SYCP2L: variants seen among roughly 807,000 people sequenced by gnomAD.
SYCP2L encodes synaptonemal complex protein 2-like.
SYCP2L carries 98 observed loss-of-function variants against 125.8 expected under a neutral mutation model. The ratio of observed to expected loss-of-function variants is 0.78; its 90% CI spans 0.66 to 0.92. The LOEUF is 0.92. Ranked by LOEUF, SYCP2L falls within the 40% of genes least tolerant of loss-of-function variation. The pLI is 0.00. For synonymous variants in SYCP2L, 317 were observed against 325.4 expected, an observed-to-expected ratio of 0.97 and a Z score of 0.28; for missense variants, 842 against 936.4, an observed-to-expected ratio of 0.90 and a Z score of 1.32.
At chr6:10,932,616 T>G (rs1781015354) in intron 20 of SYCP2L, among the ~76,000 whole-genome samples, 1 of 152,200 alleles carries the variant, frequency 6.6e-6, no homozygotes, top group African/African-American at 2.4e-5. Flanking sequence ...GGGTTAAACC[T>G]ATGAGCCAGA....
At chr6:10,970,935 A>T (rs78662363) in intron 29 of SYCP2L, among the ~76,000 whole-genome samples, 4,495 of 152,084 alleles carry the variant, frequency 0.03, 207 homozygotes, top group East Asian at 0.22. Context: ...GACTAATGAG[A>T]TAATCGGGCC....
In SYCP2L at chr6:10,958,961, G is replaced by A; in HGVS notation, c.2255+86G>A. On this transcript the variant is annotated intron_variant, in intron 26 of 29. Coordinates refer to ENST00000283141, the MANE Select transcript of SYCP2L (RefSeq NM_001040274.3). ...CTCATGACCACTGTGCTAGGGCCCTGAGGAGTTGGGGCCTGAGCAGATGTG... is the reference window on the plus strand; with the variant it reads ...CTCATGACCACTGTGCTAGGGCCCTAAGGAGTTGGGGCCTGAGCAGATGTG... 20 of 1,146,824 alleles carry A rather than the reference G, an allele frequency of 1.7e-5. 1 individual carries two copies. In the South Asian group the frequency reaches 2.5e-4, roughly 14 times the overall value. 71.0% of individuals were successfully genotyped at this position (1,146,824 alleles called of 1,614,324 possible).
At chr6:10,891,805 T>C (rs1780180270) in intron 2 of SYCP2L, among the ~76,000 whole-genome samples, 1 of 152,228 alleles carries the variant, frequency 6.6e-6, no homozygotes, top group Admixed American at 6.5e-5. Flanking sequence ...TTTATTACTA[T>C]ATCTAGTCAA....
Position 10,956,120 on chromosome 6 carries a change from T to C in SYCP2L, c.2057-16T>C. On this transcript the variant is annotated splice_polypyrimidine_tract_variant and intron_variant, in intron 24 of 29. Coordinates refer to ENST00000283141, the MANE Select transcript of SYCP2L (RefSeq NM_001040274.3). ...ACTTTGTTAGTTTTATTCCATGTTTTGTTTTTGTTTTCCAGAAGGAATTTC... is the reference window on the plus strand; with the variant it reads ...ACTTTGTTAGTTTTATTCCATGTTTCGTTTTTGTTTTCCAGAAGGAATTTC... 6.3e-7 allele frequency: 1 copy of C among 1,594,402 alleles called. No individual in the cohort carries two copies. Among genetic ancestry groups the C allele is most frequent in the Non-Finnish European group, 8.6e-7 (1 of 1,163,030 alleles).
chr6:10,934,861 A>G (rs895795570), intron 20 of SYCP2L, among the ~76,000 whole-genome samples, 197 bp from the exon 21 acceptor site: 1 of 152,214 alleles, frequency 6.6e-6, no homozygotes, highest in African/African-American at 2.4e-5. Context: ...ATTCAGATTC[A>G]GTACCATGGC....
Position 10,971,322 on chromosome 6 carries a change from G to A in SYCP2L, c.*38-2630G>A, listed in dbSNP as rs150167656. 3.1e-3 allele frequency among the ~76,000 whole-genome samples: 464 copies of A among 152,008 alleles called. 2 individuals carry two copies. The highest frequency in any genetic ancestry group is 0.01 in the African/African-American group (431 of 41,468). ...AAATACAAAAAATTAGCCGGGTGTG[G>A]TGGCACGAGGCTGTAGTCCAAGCTA... On this transcript the variant is annotated intron_variant, in intron 29 of 29. Transcript: ENST00000283141.
At chr6:10,900,181 T>G (rs1780354036) in intron 6 of SYCP2L, among the ~76,000 whole-genome samples, 1 of 152,148 alleles carries the variant, frequency 6.6e-6, no homozygotes, top group Non-Finnish European at 1.5e-5. Flanking sequence ...AACAGACATT[T>G]ATCTCTGGAG....
chr6:10,966,275 T>G (rs1190843062), intron 29 of SYCP2L, among the ~76,000 whole-genome samples: 1 of 152,222 alleles, frequency 6.6e-6, no homozygotes, highest in Admixed American at 6.5e-5. Context: ...ACTAATACAT[T>G]AATTACCAGT....
chr6:10,933,162 A>T (rs1781028322), intron 20 of SYCP2L, among the ~76,000 whole-genome samples: 1 of 152,208 alleles, frequency 6.6e-6, no homozygotes, highest in African/African-American at 2.4e-5. Context: ...TCAAAAATAT[A>T]CTTCTCTCTG....
intron 2 of SYCP2L, among the ~76,000 whole-genome samples, chr6:10,892,844 C>T (rs1780195564): frequency 6.6e-6 from 1 of 152,140 alleles, no homozygotes; most frequent in South Asian, 2.1e-4. Flanking sequence ...ATGCTGTTTT[C>T]CCTTTTAATT....
chr6:10,897,156 A>G (rs924658281), intron 4 of SYCP2L, among the ~76,000 whole-genome samples: 1 of 152,146 alleles, frequency 6.6e-6, no homozygotes, highest in Non-Finnish European at 1.5e-5. Flanking sequence ...AAGGTTGCAG[A>G]AGTTTATTTT....
intron 24 of SYCP2L, among the ~76,000 whole-genome samples, 173 bp downstream of exon 24, chr6:10,955,390 T>A (rs375950658): frequency 3.3e-5 from 5 of 152,338 alleles, no homozygotes; most frequent in African/African-American, 1.2e-4. Context: ...GCACAAATTA[T>A]AGATAAAAGC....
intron 4 of SYCP2L, among the ~76,000 whole-genome samples, chr6:10,897,041 ATT>A (rs57840245): frequency 1.5e-4 from 23 of 149,986 alleles, no homozygotes; most frequent in Admixed American, 4.7e-4. Context: ...AGTTTTTCTA[ATT>A]TTTTTTTTTC....
At chr6:10,888,930 C>T (rs968166863) in intron 1 of SYCP2L, among the ~76,000 whole-genome samples, 4 of 152,006 alleles carry the variant, frequency 2.6e-5, no homozygotes, top group Admixed American at 1.3e-4. Flanking sequence ...GGCTGGATCT[C>T]GGCTCACTGC....
chr6:10,933,511 C>T (rs1259507594), intron 20 of SYCP2L, among the ~76,000 whole-genome samples: 1 of 152,190 alleles, frequency 6.6e-6, no homozygotes, highest in Non-Finnish European at 1.5e-5. Context: ...ATAGATGGGA[C>T]TTGAGAATTT....
At chr6:10,920,950 T>C (rs566187072) in intron 14 of SYCP2L, among the ~76,000 whole-genome samples, 3 of 152,336 alleles carry the variant, frequency 2.0e-5, no homozygotes, top group Admixed American at 2.0e-4. Flanking sequence ...ACAGGTTTGT[T>C]ACATGTGCCA....
intron 12 of SYCP2L, 37 bp downstream of exon 12, chr6:10,910,906 T>A: frequency 6.2e-7 from 1 of 1,611,494 alleles, no homozygotes; most frequent in Non-Finnish European, 8.5e-7. Context: ...GAGGGCGGTG[T>A]GCAGTGAAAC....
chr6:10,943,293 TCTA>T (rs1417916972), intron 23 of SYCP2L, among the ~76,000 whole-genome samples: 1 of 152,222 alleles, frequency 6.6e-6, no homozygotes. Flanking sequence ...CATTTTTTTC[TCTA>T]CTTTTAAAAT....
At chr6:10,927,967 A>T (rs1200181600) in intron 17 of SYCP2L, among the ~76,000 whole-genome samples, 1 of 152,142 alleles carries the variant, frequency 6.6e-6, no homozygotes, top group African/African-American at 2.4e-5. Flanking sequence ...GAAGGAAGAG[A>T]AATATGGCTC....
Sources: gnomAD v4.1 joint callset for allele counts (sites outside exome capture counted in the v4.1 genomes callset) on GRCh38, gnomAD v4.1.1 for gene constraint, MANE v1.5 for transcripts, NCBI Gene and HGNC (gene_info 2026-07-23, HGNC 2026-07-21) for gene names.